The following TRMT9B variants were observed in gnomAD, a reference collection of about 807,000 sequenced individuals.
TRMT9B encodes the protein tRNA methyltransferase 9B (putative).
Under a neutral mutation model 11.5 loss-of-function variants are expected in TRMT9B, and 16 were observed. The ratio of observed to expected loss-of-function variants is 1.39; its 90% confidence interval spans 0.94 to 2.11. TRMT9B has a LOEUF of 2.11. Among genes scored for constraint, TRMT9B ranks in the 30% most tolerant of loss-of-function variants. TRMT9B has a pLI of 0.00. For missense variants in TRMT9B, 941 were observed against 553.8 expected (o/e 1.70, Z -7.02); for synonymous variants, 274 against 192.4 (o/e 1.42, Z -3.51).
At chr8:12,951,889 C>A (rs1321301293) in intron 1 of TRMT9B, 1 of 152,392 alleles carries the variant, frequency 6.6e-6, no homozygotes, top group African/African-American at 2.4e-5. Flanking sequence ...CCGACCGGGC[C>A]CAGGCGCCGG....
At chr8:13,020,945 G>A in intron 4 of TRMT9B, 63 bp from the exon 5 acceptor site, 7 of 1,107,196 alleles carry the variant, frequency 6.3e-6, no homozygotes, top group Non-Finnish European at 8.9e-6. Flanking sequence ...GTAAACACCA[G>A]TGTATACGTG....
chr8:12,947,336 T>A (rs979770416), intron 1 of TRMT9B, among the ~76,000 whole-genome samples: 1 of 152,216 alleles, frequency 6.6e-6, no homozygotes. Context: ...CACTTCCTTA[T>A]GCATCAAGAT....
At chr8:12,967,367 T>G (rs943953624) in intron 1 of TRMT9B, among the ~76,000 whole-genome samples, 2 of 152,224 alleles carry the variant, frequency 1.3e-5, no homozygotes, top group Admixed American at 1.3e-4. Flanking sequence ...AGAAAAATCC[T>G]TTTCTGAACT....
At chr8:13,011,469 G>T in intron 3 of TRMT9B, 2 of 985,090 alleles carry the variant, frequency 2.0e-6, no homozygotes, top group Non-Finnish European at 2.4e-6. Flanking sequence ...TTTTCAGGTA[G>T]AAAAATTTCA....
intron 1 of TRMT9B, among the ~76,000 whole-genome samples, chr8:12,975,181 C>T (rs1804249426): frequency 6.6e-6 from 1 of 151,882 alleles, no homozygotes; most frequent in Non-Finnish European, 1.5e-5. Context: ...TATAGAAGTA[C>T]AGATAGTTCA....
At chr8:12,975,492 T>C (rs1167671824) in intron 1 of TRMT9B, among the ~76,000 whole-genome samples, 1 of 152,058 alleles carries the variant, frequency 6.6e-6, no homozygotes, top group Non-Finnish European at 1.5e-5. Flanking sequence ...ATCCCAGCAC[T>C]TTGGGAGGCT....
chr8:12,972,695 A>G (rs923135099), intron 1 of TRMT9B, among the ~76,000 whole-genome samples: 31 of 152,260 alleles, frequency 2.0e-4, no homozygotes, highest in Admixed American at 1.6e-3. Context: ...GAGGGGAGAG[A>G]CAATGGCTTG....
chr8:13,013,294 C>A (rs1427277017), intron 4 of TRMT9B, among the ~76,000 whole-genome samples: 1 of 152,270 alleles, frequency 6.6e-6, no homozygotes, highest in South Asian at 2.1e-4. Flanking sequence ...GTCACCTGGA[C>A]CAATCTGCCA....
intron 1 of TRMT9B, among the ~76,000 whole-genome samples, chr8:12,984,448 C>G (rs531828037): frequency 1.3e-5 from 2 of 152,276 alleles, no homozygotes; most frequent in East Asian, 3.9e-4. Context: ...GGTTGAAAAC[C>G]ATGATCTTCA....
intron 2 of TRMT9B, 147 bp from the exon 3 acceptor site, chr8:13,006,055 A>G (rs912709685): frequency 2.3e-5 from 16 of 691,240 alleles, no homozygotes; most frequent in Non-Finnish European, 3.7e-5. Context: ...TAGTGAAGGT[A>G]TTGTTCTTTG....
chr8:12,959,516 C>CTCTTTT (rs757156112), intron 1 of TRMT9B, among the ~76,000 whole-genome samples: 5 of 74,932 alleles, frequency 6.7e-5, no homozygotes, highest in African/African-American at 2.5e-4. Context: ...TTTTTCCTTC[C>CTCTTTT]TTTTTTTTTT....
At chr8:13,019,544 T>C (rs1011095055) in intron 4 of TRMT9B, among the ~76,000 whole-genome samples, 5 of 152,178 alleles carry the variant, frequency 3.3e-5, no homozygotes, top group African/African-American at 1.2e-4. Context: ...TCCGCCCACC[T>C]CAGCCTCCCA....
intron 3 of TRMT9B, chr8:13,010,513 T>C (rs923561737): frequency 2.1e-5 from 21 of 983,750 alleles, no homozygotes; most frequent in Non-Finnish European, 2.4e-5. Flanking sequence ...TTAAAATTCT[T>C]TTATTGTTCA....
chr8:13,027,875 A>G lies in TRMT9B; in HGVS notation c.*5831A>G, dbSNP rs111358169. 9.5e-4 allele frequency: 159 copies of G among 167,196 alleles called. 2 individuals carry two copies. Among genetic ancestry groups the G allele is most frequent in the African/African-American group, 3.5e-3 (144 of 41,566 alleles). The allele number at this position is 167,196 out of a possible 1,614,324, so 10.4% of individuals were successfully genotyped here. ...CCTCTTGTTCCAATCTTAACTCAAA[A>G]TTATGATTATTTTGATTATTTAATG... On this transcript the variant is annotated 3_prime_UTR_variant, in exon 5 of 5. Transcript: ENST00000524591.
chr8:12,948,515 GAATA>G (rs1374105457), intron 1 of TRMT9B, among the ~76,000 whole-genome samples: 1 of 146,924 alleles, frequency 6.8e-6, no homozygotes. Context: ...TAATACATGT[GAATA>G]TATATTCATA....
At position 13,029,183 on chromosome 8, in the gene TRMT9B, CT is replaced by C. The variant is rs869182516; in HGVS notation, c.*7143del. On this transcript the variant is annotated 3_prime_UTR_variant, in exon 5 of 5. Transcript: ENST00000524591. ...GAAATGTATTTCATTGAATAAATAG[CT>C]TTTGTTTGTTTGTTTGTTTGTTTCA... is the stretch of plus-strand genomic sequence containing the variant. 1 of 158,442 alleles carries C rather than the reference CT, an allele frequency of 6.3e-6. No individual in the cohort carries two copies. Among genetic ancestry groups the C allele is most frequent in the Non-Finnish European group, 1.5e-5 (1 of 65,136 alleles). 9.8% of individuals were successfully genotyped at this position (158,442 alleles called of 1,614,324 possible). A position where few individuals can be genotyped will look rare whatever the true frequency, so the allele number is the denominator to read the frequency against.
chr8:12,971,027 G>T (rs1428492337), intron 1 of TRMT9B, among the ~76,000 whole-genome samples: 1 of 152,040 alleles, frequency 6.6e-6, no homozygotes, highest in African/African-American at 2.4e-5. Context: ...ATATTTTGGG[G>T]TACATGTGCT....
chr8:13,010,767 G>T, intron 3 of TRMT9B: 1 of 983,460 alleles, frequency 1.0e-6, no homozygotes, highest in South Asian at 4.7e-5. Flanking sequence ...TGAATTGCAA[G>T]GTTATTTTTC....
At chr8:13,007,685 T>C (rs1563414444) in intron 3 of TRMT9B, 1 of 152,166 alleles carries the variant, frequency 6.6e-6, no homozygotes, top group Non-Finnish European at 1.5e-5. Flanking sequence ...AGTTTGGAGC[T>C]CTTACCACGT....
Sources: allele counts gnomAD v4.1 joint callset (sites outside exome capture counted in the v4.1 genomes callset), GRCh38; gene constraint gnomAD v4.1.1; transcripts MANE v1.5; gene names NCBI Gene and HGNC (gene_info 2026-07-23, HGNC 2026-07-21).